Variants in CSMD1 observed in about 807,000 individuals in gnomAD.
The protein encoded by CSMD1 is CUB and sushi domain-containing protein 1.
A neutral mutation model predicts 417.5 loss-of-function variants in CSMD1; 213 were observed. The ratio of observed to expected loss-of-function variants is 0.51; its 90% CI spans 0.46 to 0.57. The LOEUF is 0.57. CSMD1 is among the 20% of genes least tolerant of loss of function. The pLI, the probability that CSMD1 is intolerant of heterozygous loss-of-function variation, is 0.00. For synonymous variants in CSMD1, 2,862 were observed against 1,736.8 expected, an observed-to-expected ratio of 1.65 and a Z score of -16.11; for missense variants, 6,923 against 4,529.7, an observed-to-expected ratio of 1.53 and a Z score of -15.17.
intron 1 of CSMD1, among the ~76,000 whole-genome samples, chr8:4,895,205 G>A (rs558312800): frequency 2.6e-5 from 4 of 152,214 alleles, no homozygotes; most frequent in South Asian, 2.1e-4. Context: ...AAAAAACTAA[G>A]CTAACCATGT....
At chr8:4,683,263 T>G (rs950650264) in intron 1 of CSMD1, among the ~76,000 whole-genome samples, 1 of 152,074 alleles carries the variant, frequency 6.6e-6, no homozygotes, top group African/African-American at 2.4e-5. Context: ...GAAAGATATG[T>G]TAAAAGTAAT....
chr8:3,167,876 G>T (rs1009473306), intron 37 of CSMD1, among the ~76,000 whole-genome samples: 1 of 152,130 alleles, frequency 6.6e-6, no homozygotes, highest in African/African-American at 2.4e-5. Context: ...AGAATAGTTT[G>T]CTTAAATCTT....
intron 3 of CSMD1, among the ~76,000 whole-genome samples, chr8:4,265,329 C>T (rs961003902): frequency 1.3e-5 from 2 of 151,854 alleles, no homozygotes; most frequent in Non-Finnish European, 2.9e-5. Flanking sequence ...AAAATTCTAT[C>T]AGCATTTTGG....
At chr8:4,269,216 C>T (rs895640302) in intron 3 of CSMD1, among the ~76,000 whole-genome samples, 3 of 151,994 alleles carry the variant, frequency 2.0e-5, no homozygotes, top group South Asian at 2.1e-4. Flanking sequence ...GCCACCACAC[C>T]CGGCTAATTT....
intron 5 of CSMD1, among the ~76,000 whole-genome samples, chr8:3,818,138 G>C (rs1801502108): frequency 6.6e-6 from 1 of 152,046 alleles, no homozygotes; most frequent in South Asian, 2.1e-4. Context: ...GAGAGTTTCA[G>C]CTAAGGGTAG....
intron 1 of CSMD1, among the ~76,000 whole-genome samples, chr8:4,970,875 T>C (rs964026903): frequency 6.6e-6 from 1 of 152,106 alleles, no homozygotes; most frequent in African/African-American, 2.4e-5. Flanking sequence ...CAGTATTTTA[T>C]TAAGAAAGGA....
intron 3 of CSMD1, among the ~76,000 whole-genome samples, chr8:4,370,452 T>C (rs1424687418): frequency 6.6e-6 from 1 of 152,156 alleles, no homozygotes; most frequent in African/African-American, 2.4e-5. Context: ...CTCATGGAGA[T>C]TCTCTGAATT....
intron 2 of CSMD1, among the ~76,000 whole-genome samples, chr8:4,623,823 G>A (rs541006830): frequency 8.6e-5 from 13 of 151,984 alleles, no homozygotes; most frequent in Admixed American, 2.0e-4. Flanking sequence ...ACAGTTCAGT[G>A]GTGTGCTGGC....
chr8:4,435,237 G>GA lies in CSMD1; in HGVS notation c.303-15173dup, dbSNP rs368902517. Among the ~76,000 whole-genome samples the GA allele has an allele frequency of 4.8e-3, 737 of 152,126 alleles. 1 individual carries two copies. The highest frequency in any genetic ancestry group is 7.2e-3 in the Non-Finnish European group (492 of 67,980). The stretch of plus-strand genomic sequence containing the variant: ...TCTGATCTTTGGAAAATTAAACCTT[G>GA]AAAAAAATGTATGTTTTATAAGTAC... On this transcript the variant is annotated intron_variant, in intron 2 of 69. Transcript: ENST00000635120.
At chr8:3,983,570 G>C (rs1256319240) in intron 5 of CSMD1, among the ~76,000 whole-genome samples, 3 of 152,122 alleles carry the variant, frequency 2.0e-5, no homozygotes, top group Non-Finnish European at 4.4e-5. Flanking sequence ...CCCCAATTTT[G>C]TTTTTGATGT....
intron 2 of CSMD1, among the ~76,000 whole-genome samples, chr8:4,439,768 T>A (rs1041279626): frequency 6.6e-6 from 1 of 152,094 alleles, no homozygotes; most frequent in Admixed American, 6.6e-5. Flanking sequence ...TAATGGAGAA[T>A]CCTAAGCCTA....
chr8:3,701,771 A>G (rs919906558), intron 7 of CSMD1, among the ~76,000 whole-genome samples: 2 of 152,228 alleles, frequency 1.3e-5, no homozygotes, highest in Admixed American at 6.5e-5. Flanking sequence ...TAATTGAGAC[A>G]TCACTTTATG....
intron 52 of CSMD1, among the ~76,000 whole-genome samples, chr8:3,009,785 AC>A: frequency 6.6e-6 from 1 of 151,994 alleles, no homozygotes; most frequent in Admixed American, 6.6e-5. Flanking sequence ...AGCATACAAC[AC>A]TCTGTGCTGT....
At chr8:3,290,522 C>T (rs1316333030) in intron 25 of CSMD1, among the ~76,000 whole-genome samples, 4 of 144,600 alleles carry the variant, frequency 2.8e-5, no homozygotes, top group Non-Finnish European at 4.4e-5. Context: ...TTGTAGTTCT[C>T]CTTGAAGAGG....
intron 5 of CSMD1, among the ~76,000 whole-genome samples, chr8:3,986,987 T>C (rs758833311): frequency 6.6e-6 from 1 of 152,114 alleles, no homozygotes; most frequent in Non-Finnish European, 1.5e-5. Flanking sequence ...ACTACTGACA[T>C]CAAATAATCC....
chr8:4,727,142 A>T (rs1037162407), intron 1 of CSMD1, among the ~76,000 whole-genome samples: 15 of 152,044 alleles, frequency 9.9e-5, no homozygotes, highest in Non-Finnish European at 1.9e-4. Context: ...TTCTGCGGGG[A>T]CACTTCGCTC....
chr8:3,891,427 C>T (rs1047393396), intron 5 of CSMD1, among the ~76,000 whole-genome samples: 4 of 152,092 alleles, frequency 2.6e-5, no homozygotes, highest in Non-Finnish European at 4.4e-5. Context: ...CGCCTACAAA[C>T]CCAGAACTTT....
intron 7 of CSMD1, among the ~76,000 whole-genome samples, chr8:3,661,788 T>G (rs1236180885): frequency 6.6e-6 from 1 of 152,124 alleles, no homozygotes; most frequent in Non-Finnish European, 1.5e-5. Context: ...TGAGCCACCA[T>G]GACCGGCAAA....
chr8:3,134,282 C>T (rs189066983), intron 41 of CSMD1, among the ~76,000 whole-genome samples: 192 of 152,310 alleles, frequency 1.3e-3, no homozygotes, highest in Non-Finnish European at 1.7e-3. Context: ...TGTCCGGAGG[C>T]CGTGATGTTA....
Sources: gnomAD v4.1 joint callset for allele counts (sites outside exome capture counted in the v4.1 genomes callset) on GRCh38, gnomAD v4.1.1 for gene constraint, MANE v1.5 for transcripts, NCBI Gene and HGNC (gene_info 2026-07-23, HGNC 2026-07-21) for gene names.